Variants in CAMK2A observed in about 807,000 individuals in gnomAD.
CAMK2A encodes the protein calcium/calmodulin dependent protein kinase II alpha.
In CAMK2A, 7 loss-of-function variants were observed where a neutral mutation model predicts 79.2. The ratio of observed to expected loss-of-function variants is 0.09; its 90% CI spans 0.05 to 0.17. CAMK2A has a LOEUF of 0.17. CAMK2A is among the 10% of genes least tolerant of loss of function. The pLI is 1.00. For synonymous variants in CAMK2A, 242 were observed against 251.7 expected, an observed-to-expected ratio of 0.96 and a Z score of 0.36; for missense variants, 214 against 646.4, an observed-to-expected ratio of 0.33 and a Z score of 7.25.
chr5:150,289,848 A>C, upstream of CAMK2A: 1 of 534,112 alleles, frequency 1.9e-6, no homozygotes, highest in Non-Finnish European at 3.3e-6. Context: ...ACCACCTCCA[A>C]AACGCCCTGT....
intron 13 of CAMK2A, among the ~76,000 whole-genome samples, chr5:150,242,497 G>A (rs1755393085): frequency 6.6e-6 from 1 of 152,204 alleles, no homozygotes; most frequent in Non-Finnish European, 1.5e-5. Context: ...AATGGGGTTT[G>A]TCTCCAGCTG....
chr5:150,250,869 C>A, intron 9 of CAMK2A, 59 bp from the exon 10 acceptor site: 2 of 1,591,320 alleles, frequency 1.3e-6, no homozygotes, highest in Non-Finnish European at 1.7e-6. Flanking sequence ...CCTGCGATCC[C>A]CCAGCCCCTG....
At position 150,245,217 on chromosome 5, in the gene CAMK2A, A is replaced by T. The variant is rs750312731; in HGVS notation, c.944-16T>A. 1 of 1,612,984 alleles carries T rather than the reference A, an allele frequency of 6.2e-7. No individual in the cohort carries two copies. Among genetic ancestry groups the T allele is most frequent in the Non-Finnish European group, 8.5e-7 (1 of 1,179,488 alleles). ...CTCTTCCCTCCTGTGGAGGAGAAAA[A>T]GTAGAGGGTTAACAACGCCAGGCAG... On this transcript the variant is annotated splice_polypyrimidine_tract_variant and intron_variant, in intron 12 of 18. Transcript: ENST00000671881.
chr5:150,274,372 A>T (rs1187792888), intron 1 of CAMK2A, among the ~76,000 whole-genome samples: 1 of 152,228 alleles, frequency 6.6e-6, no homozygotes, highest in African/African-American at 2.4e-5. Context: ...GATATTGATG[A>T]GAAGTTTCCC....
At chr5:150,285,021 C>T (rs1757367450) in intron 1 of CAMK2A, among the ~76,000 whole-genome samples, 1 of 152,164 alleles carries the variant, frequency 6.6e-6, no homozygotes, top group Non-Finnish European at 1.5e-5. Flanking sequence ...AGTGATTCAC[C>T]CAGGATGGCC....
chr5:150,264,816 C>T lies in CAMK2A; in HGVS notation c.217+140G>A, dbSNP rs1756440883. On this transcript the variant is annotated intron_variant, in intron 3 of 18. Coordinates refer to ENST00000671881, the MANE Select transcript of CAMK2A (RefSeq NM_015981.4). ...GGAATGTGGAAACCATTAAAGACGC[C>T]CCCTTTCCCATCTCTGCTGCCTCCA... 5 of 675,292 alleles carry T rather than the reference C, an allele frequency of 7.4e-6. No individual in the cohort carries two copies. The East Asian group carries it at 1.4e-4, about 18-fold the overall frequency. The allele number at this position is 675,292 out of a possible 1,614,324, so 41.8% of individuals were successfully genotyped here. A position where few individuals can be genotyped will look rare whatever the true frequency, so the allele number is the denominator to read the frequency against.
At chr5:150,251,674 G>A (rs950455076) in intron 9 of CAMK2A, 76 bp downstream of exon 9, 3 of 1,159,198 alleles carry the variant, frequency 2.6e-6, no homozygotes, top group Admixed American at 2.5e-5. Flanking sequence ...GCCAGAACTA[G>A]AGAGTGGCTT....
chr5:150,266,436 C>T (rs1051588190), intron 2 of CAMK2A, among the ~76,000 whole-genome samples: 10 of 152,142 alleles, frequency 6.6e-5, no homozygotes, highest in African/African-American at 2.2e-4. Context: ...GTAGTTAACG[C>T]CTTAATTTAA....
rs1287121256 is a variant in CAMK2A at position 150,256,777 on chromosome 5, C to T, written c.327G>A (p.Glu109=). The stretch of plus-strand genomic sequence containing the variant: ...CACCTGACACTCACCTGGCATCCGC[C>T]TCACTGTAATACTCCCGGGCCACGA... ...EDIVAREYYS[E]ADASHCIQQI... The change falls in exon 5 of 19, where the codon GAG becomes GAA. Residue 109 remains glutamate, a synonymous_variant. Coordinates refer to ENST00000671881, the MANE Select transcript of CAMK2A (RefSeq NM_015981.4). This position sits in a 1 kb window ranked among gnomAD's most constrained non-coding sequence, Gnocchi z 4.6. 3 of 1,613,978 alleles carry T rather than the reference C, an allele frequency of 1.9e-6. No homozygotes were observed. The highest frequency in any genetic ancestry group is 2.5e-6 in the Non-Finnish European group (3 of 1,179,958).
At chr5:150,239,400 G>T (rs906147428) in intron 14 of CAMK2A, among the ~76,000 whole-genome samples, 3 of 152,332 alleles carry the variant, frequency 2.0e-5, no homozygotes, top group Admixed American at 1.3e-4. Flanking sequence ...GAGCAGAGGG[G>T]CAGGGAGAAG....
At chr5:150,233,370 A>G (rs1252792465) in intron 15 of CAMK2A, among the ~76,000 whole-genome samples, 2 of 152,158 alleles carry the variant, frequency 1.3e-5, no homozygotes, top group Non-Finnish European at 2.9e-5. Context: ...CCCCTGGCAC[A>G]TGGTAGATGT....
At chr5:150,252,922 A>T in intron 7 of CAMK2A, among the ~76,000 whole-genome samples, 1 of 152,308 alleles carries the variant, frequency 6.6e-6, no homozygotes, top group African/African-American at 2.4e-5. Context: ...ATGGCTCAAT[A>T]TTGCCCACTA....
At chr5:150,267,108 G>A (rs1030118111) in intron 2 of CAMK2A, among the ~76,000 whole-genome samples, 1 of 152,212 alleles carries the variant, frequency 6.6e-6, no homozygotes, top group African/African-American at 2.4e-5. Flanking sequence ...GGGCCAAGTT[G>A]GGGGGCATCC....
chr5:150,249,445 C>T (rs1755728509), intron 11 of CAMK2A, among the ~76,000 whole-genome samples: 1 of 152,248 alleles, frequency 6.6e-6, no homozygotes, highest in Non-Finnish European at 1.5e-5. Flanking sequence ...CAAAAGCTCT[C>T]CCCAGCCACT....
At chr5:150,227,891 C>A (rs1294581655) in intron 17 of CAMK2A, among the ~76,000 whole-genome samples, 3 of 152,140 alleles carry the variant, frequency 2.0e-5, no homozygotes, top group Non-Finnish European at 2.9e-5. Flanking sequence ...GGAATCAAGG[C>A]CCTCCCCAGG....
intron 11 of CAMK2A, among the ~76,000 whole-genome samples, chr5:150,249,782 A>G (rs1755747421): frequency 6.6e-6 from 1 of 152,098 alleles, no homozygotes; most frequent in African/African-American, 2.4e-5. Context: ...TTCTGACCTC[A>G]GGTGATCTGC....
chr5:150,243,726 C>A (rs1312327096), intron 13 of CAMK2A, among the ~76,000 whole-genome samples: 1 of 152,232 alleles, frequency 6.6e-6, no homozygotes, highest in African/African-American at 2.4e-5. Flanking sequence ...TCTCAGGGCG[C>A]ATTGTATTAG....
At chr5:150,272,773 G>C (rs1394658401) in intron 2 of CAMK2A, among the ~76,000 whole-genome samples, 1 of 151,974 alleles carries the variant, frequency 6.6e-6, no homozygotes, top group Non-Finnish European at 1.5e-5. Flanking sequence ...AGAAGTGATG[G>C]CAAGTGGCAA....
intron 4 of CAMK2A, among the ~76,000 whole-genome samples, chr5:150,257,087 G>A (rs1756091656): frequency 6.6e-6 from 1 of 152,130 alleles, no homozygotes. Flanking sequence ...CTGGAGTCCG[G>A]AGGTTAGGGA....
Sources: allele counts gnomAD v4.1 joint callset (sites outside exome capture counted in the v4.1 genomes callset), GRCh38; gene constraint gnomAD v4.1.1; non-coding constraint Gnocchi (gnomAD v3.1); transcripts MANE v1.5; gene names NCBI Gene and HGNC (gene_info 2026-07-23, HGNC 2026-07-21).